The following USP32 variants were observed in gnomAD, a reference collection of about 807,000 sequenced individuals.
USP32 encodes ubiquitin specific peptidase 32.
USP32 carries 59 observed loss-of-function variants against 204.8 expected under a neutral mutation model. The observed-to-expected ratio is 0.29, with a 90% confidence interval of 0.23 to 0.36. USP32 has a LOEUF of 0.36. USP32 is among the 10% of genes least tolerant of loss of function. The pLI, the probability that USP32 is intolerant of heterozygous loss-of-function variation, is 1.00. For synonymous variants in USP32, 517 were observed against 678.4 expected (o/e 0.76, Z 3.70); for missense variants, 1,160 against 1,946.4 (o/e 0.60, Z 7.60).
intron 2 of USP32, among the ~76,000 whole-genome samples, chr17:60,307,801 C>A (rs1411790917): frequency 6.6e-6 from 1 of 152,124 alleles, no homozygotes; most frequent in Non-Finnish European, 1.5e-5. Context: ...CTGCCACGCC[C>A]CCAAGGTGTG....
intron 1 of USP32, among the ~76,000 whole-genome samples, chr17:60,408,179 G>A (rs900400481): frequency 6.6e-6 from 1 of 151,946 alleles, no homozygotes; most frequent in Non-Finnish European, 1.5e-5. Context: ...AAGAAGCAGG[G>A]GGGAAAAATC....
intron 3 of USP32, among the ~76,000 whole-genome samples, chr17:60,296,974 A>G (rs1002105421): frequency 1.3e-5 from 2 of 152,172 alleles, no homozygotes; most frequent in East Asian, 3.9e-4. Flanking sequence ...CAGTTTAGAG[A>G]TGCAACAACT....
intron 9 of USP32, among the ~76,000 whole-genome samples, chr17:60,258,976 TTAAATA>T (rs1049930452): frequency 2.0e-5 from 3 of 152,216 alleles, no homozygotes; most frequent in African/African-American, 7.2e-5. Context: ...ACACAATCCT[TTAAATA>T]TATATTATTC....
intron 5 of USP32, among the ~76,000 whole-genome samples, chr17:60,285,299 C>T (rs945914230): frequency 6.6e-5 from 10 of 152,074 alleles, no homozygotes; most frequent in Non-Finnish European, 1.5e-4. Context: ...AAAGGCTTTC[C>T]TATTTAAAAC....
At chr17:60,418,983 C>G (rs1166721875) in intron 1 of USP32, among the ~76,000 whole-genome samples, 1 of 152,176 alleles carries the variant, frequency 6.6e-6, no homozygotes, top group Non-Finnish European at 1.5e-5. Context: ...AAAAACAGAA[C>G]TACCATTCAA....
At chr17:60,188,290 C>G (rs952397909) in intron 29 of USP32, among the ~76,000 whole-genome samples, 6 of 152,058 alleles carry the variant, frequency 3.9e-5, no homozygotes, top group Non-Finnish European at 5.9e-5. Context: ...TTTCTGATTA[C>G]TAGGTATAAT....
intron 15 of USP32, 24 bp from the exon 16 acceptor site, chr17:60,219,811 A>G (rs1488429745): frequency 2.5e-6 from 4 of 1,581,380 alleles, no homozygotes; most frequent in Non-Finnish European, 3.4e-6. Context: ...AGATAAAAAG[A>G]GATCACTAAA....
intron 1 of USP32, among the ~76,000 whole-genome samples, chr17:60,399,972 CT>C (rs988220819): frequency 3.4e-5 from 5 of 148,934 alleles, no homozygotes; most frequent in South Asian, 2.1e-4. Context: ...GATCTGTCAT[CT>C]TTTTTTTTTG....
chr17:60,421,940 G>A lies in USP32; in HGVS notation c.106+306C>T, dbSNP rs907935411. The A allele has an allele frequency of 1.3e-4, 127 of 985,242 alleles. No individual in the cohort carries two copies. The Middle Eastern group carries it at 1.5e-3, about 12-fold the overall frequency. The allele number at this position is 985,242 out of a possible 1,614,324, so 61.0% of individuals were successfully genotyped here. A position where few individuals can be genotyped will look rare whatever the true frequency, so the allele number is the denominator to read the frequency against. On this transcript the variant is annotated intron_variant, in intron 1 of 3. Coordinates refer to the USP32 transcript ENST00000588898. ...CGGTACCTGCCCCAGGGAAGGCCGCGGGGAGGGTTACAGAGCCCGTAGGCA... is the reference window on the plus strand; with the variant it reads ...CGGTACCTGCCCCAGGGAAGGCCGCAGGGAGGGTTACAGAGCCCGTAGGCA...
chr17:60,293,396 T>C (rs537312572), intron 4 of USP32, among the ~76,000 whole-genome samples: 6 of 152,328 alleles, frequency 3.9e-5, no homozygotes, highest in African/African-American at 1.4e-4. Context: ...TTATCTTTTT[T>C]TCTTACAAGC....
At chr17:60,393,938 C>T (rs961027769), upstream of USP32, among the ~76,000 whole-genome samples, 1 of 152,220 alleles carries the variant, frequency 6.6e-6, no homozygotes, top group Non-Finnish European at 1.5e-5. Context: ...CCCGCCTCAG[C>T]CTCCCAGAGT....
rs553924921 is a variant in USP32 at position 60,365,580 on chromosome 17, T to C, written c.59-19972A>G. Among the ~76,000 whole-genome samples, 6 of 152,276 alleles carry C rather than the reference T, an allele frequency of 3.9e-5. No individual in the cohort carries two copies. The South Asian group carries it at 6.2e-4, about 16-fold the overall frequency. On this transcript the variant is annotated intron_variant, in intron 1 of 33. Coordinates refer to ENST00000300896, the MANE Select transcript of USP32 (RefSeq NM_032582.4). ...ATTAATCTGTAACTAAAGAATTATCTTCCCTGTAAGCATTCACTCAGTATT... is the reference window on the plus strand; with the variant it reads ...ATTAATCTGTAACTAAAGAATTATCCTCCCTGTAAGCATTCACTCAGTATT...
intron 10 of USP32, 150 bp from the exon 11 acceptor site, chr17:60,252,592 A>G: frequency 1.7e-6 from 1 of 576,146 alleles, no homozygotes; most frequent in South Asian, 3.3e-5. Flanking sequence ...TTTTAACTTT[A>G]GCCTTGTGGT....
intron 7 of USP32, among the ~76,000 whole-genome samples, chr17:60,267,524 C>T (rs1355458144): frequency 1.3e-5 from 2 of 151,362 alleles, no homozygotes; most frequent in African/African-American, 4.9e-5. Flanking sequence ...ACAATTTTAA[C>T]TCTTTTTTTT....
chr17:60,284,576 C>T (rs570003802), intron 5 of USP32, among the ~76,000 whole-genome samples: 1 of 151,838 alleles, frequency 6.6e-6, no homozygotes, highest in Admixed American at 6.5e-5. Flanking sequence ...TACTAAAAAT[C>T]CAAAAAAAGA....
chr17:60,209,215 T>C (rs1305846795), intron 22 of USP32, among the ~76,000 whole-genome samples, 155 bp downstream of exon 22: 4 of 152,224 alleles, frequency 2.6e-5, no homozygotes, highest in Non-Finnish European at 4.4e-5. Flanking sequence ...TTGGCATTAT[T>C]GCATAAGAAT....
At chr17:60,364,168 G>A (rs1004060910) in intron 1 of USP32, among the ~76,000 whole-genome samples, 5 of 152,072 alleles carry the variant, frequency 3.3e-5, no homozygotes, top group Non-Finnish European at 7.4e-5. Context: ...CTGACATGGT[G>A]GGGCAAAGCA....
chr17:60,373,443 A>AT (rs138532417), intron 1 of USP32, among the ~76,000 whole-genome samples: 3,441 of 135,860 alleles, frequency 0.025, 44 homozygotes, highest in Non-Finnish European at 0.031. Flanking sequence ...GCTTACTGTA[A>AT]TTTTTTTTTT....
rs1229804380 is a variant in USP32 at position 60,216,370 on chromosome 17, CTT to C, written c.1868-1598_1868-1597del. Among the ~76,000 whole-genome samples the C allele has an allele frequency of 1.2e-3, 181 of 150,894 alleles. 1 individual carries two copies. The highest frequency in any genetic ancestry group is 4.2e-3 in the African/African-American group (171 of 40,840). Reference sequence around the variant, plus strand: ...AGACAAAACTGTGGCTTAAAATAGTCTTCTCTGCTGAGGCTGTATTTTATTGA... The same window carrying C: ...AGACAAAACTGTGGCTTAAAATAGTCCTCTGCTGAGGCTGTATTTTATTGA... On this transcript the variant is annotated intron_variant, in intron 16 of 33. Transcript: ENST00000300896.
Sources: gnomAD v4.1 joint callset for allele counts (sites outside exome capture counted in the v4.1 genomes callset) on GRCh38, gnomAD v4.1.1 for gene constraint, MANE v1.5 for transcripts, NCBI Gene and HGNC (gene_info 2026-07-23, HGNC 2026-07-21) for gene names.